The following PILRB variants were observed in gnomAD, a reference collection of about 807,000 sequenced individuals.
PILRB encodes the protein paired immunoglobin like type 2 receptor beta.
In PILRB, 21 loss-of-function variants were observed where a neutral mutation model predicts 20.5. That is an observed-to-expected ratio of 1.02 (90% CI 0.72 to 1.47). The LOEUF (loss-of-function observed/expected upper bound fraction) is 1.47. PILRB is among the 40% of genes most tolerant of loss of function. The pLI is 0.00. For missense variants in PILRB, 253 were observed against 272.1 expected (o/e 0.93, Z 0.49); for synonymous variants, 133 against 115.1 (o/e 1.16, Z -0.99).
chr7:100,358,656 G>C (rs1790433005), intron 1 of PILRB, 34 bp from the exon 2 acceptor site: 1 of 1,604,436 alleles, frequency 6.2e-7, no homozygotes, highest in Admixed American at 1.7e-5. Flanking sequence ...GTGGTTTCAA[G>C]GTCTCTCCCC....
intron 3 of PILRB, among the ~76,000 whole-genome samples, chr7:100,366,100 C>T (rs1790676680): frequency 6.6e-6 from 1 of 151,966 alleles, no homozygotes; most frequent in African/African-American, 2.4e-5. Flanking sequence ...AGTACAGGCA[C>T]ATGCCACCAC....
chr7:100,365,502 T>C (rs1328381955), intron 3 of PILRB, among the ~76,000 whole-genome samples: 1 of 151,892 alleles, frequency 6.6e-6, no homozygotes, highest in Non-Finnish European at 1.5e-5. Context: ...GAATGGAGAG[T>C]TAATATTTAA....
In PILRB at chr7:100,359,368, C is replaced by T. The variant is rs775470606; in HGVS notation, c.486C>T (p.Ser162=). The change falls in exon 3 of 4, where the codon AGC becomes AGT. Residue 162 remains serine, a synonymous_variant. Transcript: ENST00000609309. The stretch of plus-strand genomic sequence containing the variant: ...CAACCACCACCACCTGGAGGCCCAG[C>T]AGCACAACCACCATAGCCGGCCTCA... ...AVTTTTTWRP[S]STTTIAGLRV... is the part of the protein sequence containing the mutation. 6.2e-7 allele frequency: 1 copy of T among 1,614,178 alleles called. No individual in the cohort carries two copies. Among genetic ancestry groups the T allele is most frequent in the Non-Finnish European group, 8.5e-7 (1 of 1,180,030 alleles).
Position 100,359,551 on chromosome 7 carries a change from A to G in PILRB, c.655+14A>G, listed in dbSNP as rs780139748. The G allele has an allele frequency of 1.2e-6, 2 of 1,608,758 alleles. No individual in the cohort carries two copies. Among genetic ancestry groups the G allele is most frequent in the South Asian group, 1.1e-5 (1 of 90,902 alleles). On this transcript the variant is annotated intron_variant, in intron 3 of 3. Coordinates refer to ENST00000609309, the MANE Select transcript of PILRB (RefSeq NM_178238.4). ...GGAGAAGGAAAGGTAAGTGCCCAGAACGCACTGTCTCCTCAAGCTTCCCAG... is the reference window on the plus strand; with the variant it reads ...GGAGAAGGAAAGGTAAGTGCCCAGAGCGCACTGTCTCCTCAAGCTTCCCAG...
In PILRB at chr7:100,358,921, T is replaced by C; in HGVS notation, c.296T>C (p.Leu99Pro). 1 of 1,614,176 alleles carries C rather than the reference T, an allele frequency of 6.2e-7. No individual in the cohort carries two copies. The change falls in exon 2 of 4, where the codon CTG (leucine) becomes CCG (proline). Residue 99 changes from leucine (L) to proline (P), a missense_variant. Transcript: ENST00000609309. Reference protein sequence around the residue: ...IHKDYVNRLFLNWTEGQESGF... With the variant: ...IHKDYVNRLFPNWTEGQESGF... ...AAGGATTATGTGAACCGGCTCTTTC[T>C]GAACTGGACAGAGGGTCAGGAGAGC...
At chr7:100,366,350 ACCT>A (rs946144529) in intron 3 of PILRB, among the ~76,000 whole-genome samples, 2 of 152,004 alleles carry the variant, frequency 1.3e-5, no homozygotes, top group African/African-American at 4.8e-5. Flanking sequence ...AAAACAAAAA[ACCT>A]GTAGAAGTGG....
chr7:100,365,829 T>A (rs943753431), intron 3 of PILRB, among the ~76,000 whole-genome samples: 1 of 151,958 alleles, frequency 6.6e-6, no homozygotes, highest in African/African-American at 2.4e-5. Context: ...AAAAAAGAAC[T>A]TTTGGGTTTC....
chr7:100,360,103 A>G (rs1295749307), intron 3 of PILRB, among the ~76,000 whole-genome samples: 1 of 152,184 alleles, frequency 6.6e-6, no homozygotes, highest in Admixed American at 6.5e-5. Flanking sequence ...TCAGTCATCA[A>G]TCATCCACGC....
At chr7:100,367,273 G>C in intron 3 of PILRB, 76 bp from the exon 4 acceptor site, 1 of 778,732 alleles carries the variant, frequency 1.3e-6, no homozygotes, top group Non-Finnish European at 2.4e-6. Flanking sequence ...ACTTAAATCT[G>C]ATCTCTGAAG....
chr7:100,367,179 C>T (rs949850955), intron 3 of PILRB, among the ~76,000 whole-genome samples, 170 bp from the exon 4 acceptor site: 6 of 152,052 alleles, frequency 3.9e-5, no homozygotes, highest in East Asian at 1.9e-4. Context: ...GGGCAGGGGA[C>T]GGGTTTGGAA....
In PILRB at chr7:100,359,347, C is replaced by T. The variant is rs754923878; in HGVS notation, c.465C>T (p.Thr155=). 6 of 1,613,784 alleles carry T rather than the reference C, an allele frequency of 3.7e-6. No individual in the cohort carries two copies. In the Admixed American group the frequency reaches 1.0e-4, roughly 27 times the overall value. ...TKLTITQAVT[T]TTTWRPSSTT... is the part of the protein sequence containing the mutation. ...CCTCATCTCTTCCAGCTGTCACAACCACCACCACCTGGAGGCCCAGCAGCA... is the reference window on the plus strand; with the variant it reads ...CCTCATCTCTTCCAGCTGTCACAACTACCACCACCTGGAGGCCCAGCAGCA... The change falls in exon 3 of 4, where the codon ACC becomes ACT. Residue 155 remains threonine (T), a synonymous_variant. Transcript: ENST00000609309.
intron 3 of PILRB, among the ~76,000 whole-genome samples, chr7:100,365,972 T>TA (rs1563110908): frequency 2.7e-5 from 4 of 147,086 alleles, no homozygotes; most frequent in South Asian, 2.1e-4. Flanking sequence ...TTTTTTTTTT[T>TA]AGACAGAGTC....
Position 100,358,892 on chromosome 7 carries a change from T to C in PILRB, c.267T>C (p.Ile89=), listed in dbSNP as rs1241580446. The C allele has an allele frequency of 6.2e-7, 1 of 1,614,010 alleles. No homozygotes were observed. Among genetic ancestry groups the C allele is most frequent in the East Asian group, 2.2e-5 (1 of 44,890 alleles). The change falls in exon 2 of 4, where the codon ATT becomes ATC. Residue 89 remains isoleucine, a synonymous_variant. Transcript: ENST00000609309. ...TCTACAGCACAAGGCCGCCTTCCATTCACAAGGATTATGTGAACCGGCTCT... is the reference window on the plus strand; with the variant it reads ...TCTACAGCACAAGGCCGCCTTCCATCCACAAGGATTATGTGAACCGGCTCT... ...QSFYSTRPPS[I]HKDYVNRLFL...
chr7:100,358,437 A>G (rs990466149), intron 1 of PILRB, 71 bp downstream of exon 1: 10 of 1,563,918 alleles, frequency 6.4e-6, no homozygotes, highest in Middle Eastern at 1.7e-4. Context: ...AGACAAAGGC[A>G]GAACATCTGG....
At chr7:100,361,842 T>C (rs1584199114) in intron 3 of PILRB, among the ~76,000 whole-genome samples, 1 of 152,002 alleles carries the variant, frequency 6.6e-6, no homozygotes, top group Admixed American at 6.6e-5. Context: ...GGTACAAAGG[T>C]TGTGTGCCTC....
At chr7:100,363,661 T>G (rs1029506311) in intron 3 of PILRB, among the ~76,000 whole-genome samples, 1 of 152,132 alleles carries the variant, frequency 6.6e-6, no homozygotes, top group African/African-American at 2.4e-5. Context: ...TTGTTTTTGC[T>G]CAAACAAAAA....
At chr7:100,362,345 G>A (rs1484816163) in intron 3 of PILRB, among the ~76,000 whole-genome samples, 1 of 152,158 alleles carries the variant, frequency 6.6e-6, no homozygotes, top group African/African-American at 2.4e-5. Flanking sequence ...TTCACAGCAT[G>A]TTAAAAGGAC....
intron 3 of PILRB, among the ~76,000 whole-genome samples, chr7:100,359,810 G>A (rs1790475761): frequency 6.6e-6 from 1 of 152,136 alleles, no homozygotes. Context: ...GGATCACAAG[G>A]CCAAGAGATC....
intron 3 of PILRB, among the ~76,000 whole-genome samples, chr7:100,365,063 A>G (rs1283156939): frequency 6.6e-6 from 1 of 152,126 alleles, no homozygotes; most frequent in East Asian, 1.9e-4. Flanking sequence ...GCAGCAGTGC[A>G]ATCTCAGTTC....
Sources: gnomAD v4.1 joint callset for allele counts (sites outside exome capture counted in the v4.1 genomes callset) on GRCh38, gnomAD v4.1.1 for gene constraint, MANE v1.5 for transcripts, NCBI Gene and HGNC (gene_info 2026-07-23, HGNC 2026-07-21) for gene names.